ULK2: variants seen among roughly 807,000 people sequenced by gnomAD.
ULK2 encodes the protein unc-51 like autophagy activating kinase 2, also known as serine/threonine-protein kinase ULK2.
ULK2 carries 76 observed loss-of-function variants against 127.5 expected under a neutral mutation model. The ratio of observed to expected loss-of-function variants is 0.60; its 90% CI spans 0.50 to 0.72. The LOEUF (loss-of-function observed/expected upper bound fraction) is 0.72, where lower values mean the gene tolerates loss of function less well. Ranked by LOEUF, ULK2 falls within the 30% of genes least tolerant of loss-of-function variation. The probability of loss-of-function intolerance (pLI) is 0.00; values close to 1 mark genes in which losing one functional copy is unlikely to be tolerated. For missense variants in ULK2, 1,144 were observed against 1,295.9 expected, an observed-to-expected ratio of 0.88 and a Z score of 1.80; for synonymous variants, 452 against 461.9, an observed-to-expected ratio of 0.98 and a Z score of 0.28.
At chr17:19,813,686 G>A (rs1444595953) in intron 13 of ULK2, among the ~76,000 whole-genome samples, 1 of 152,090 alleles carries the variant, frequency 6.6e-6, no homozygotes, top group African/African-American at 2.4e-5. Flanking sequence ...GACAGGAGCA[G>A]TTTTGAAACA....
intron 8 of ULK2, 79 bp downstream of exon 8, chr17:19,843,042 T>C: frequency 8.4e-7 from 1 of 1,192,004 alleles, no homozygotes. Flanking sequence ...TTTCAAAGTA[T>C]TCTTCATTTT....
intron 5 of ULK2, among the ~76,000 whole-genome samples, chr17:19,848,649 C>T (rs1462623796): frequency 6.6e-6 from 1 of 151,950 alleles, no homozygotes; most frequent in Non-Finnish European, 1.5e-5. Context: ...TGGAGGTATG[C>T]ACCTGTAATC....
At chr17:19,796,742 G>C (rs1597726546) in intron 18 of ULK2, among the ~76,000 whole-genome samples, 2 of 152,160 alleles carry the variant, frequency 1.3e-5, no homozygotes, top group Admixed American at 6.5e-5. Flanking sequence ...TCCTTCACTG[G>C]ATGTCTGTGT....
At chr17:19,826,244 G>A in intron 10 of ULK2, 58 bp from the exon 11 acceptor site, 2 of 1,126,852 alleles carry the variant, frequency 1.8e-6, no homozygotes, top group East Asian at 2.8e-5. Context: ...CTATCAACCA[G>A]GTTATTTTTT....
intron 7 of ULK2, 51 bp downstream of exon 7, chr17:19,845,253 A>G (rs2041852500): frequency 6.7e-7 from 1 of 1,490,546 alleles, no homozygotes; most frequent in East Asian, 2.3e-5. Context: ...TTAAATTCCA[A>G]TGATTATGGA....
intron 20 of ULK2, among the ~76,000 whole-genome samples, chr17:19,791,844 C>CAAAA (rs58434256): frequency 1.5e-4 from 7 of 48,244 alleles, no homozygotes; most frequent in African/African-American, 2.4e-4. Flanking sequence ...ACCCTGTTTA[C>CAAAA]AAAAAAAAAA....
intron 3 of ULK2, among the ~76,000 whole-genome samples, chr17:19,862,413 T>C (rs1055519279): frequency 8.5e-5 from 13 of 152,082 alleles, no homozygotes; most frequent in African/African-American, 3.1e-4. Flanking sequence ...TTAAACATCT[T>C]ATAACATGAG....
intron 12 of ULK2, among the ~76,000 whole-genome samples, chr17:19,821,555 G>C (rs1409701384): frequency 6.6e-6 from 1 of 152,140 alleles, no homozygotes; most frequent in African/African-American, 2.4e-5. Context: ...ACCAGTCCTA[G>C]AAAGAAGGGG....
rs572303038 is a variant in ULK2 at position 19,783,758 on chromosome 17, G to A, written c.2399C>T (p.Pro800Leu). 70 of 1,600,778 alleles carry A rather than the reference G, an allele frequency of 4.4e-5. No homozygotes were observed. The Middle Eastern group carries it at 2.2e-3, about 49-fold the overall frequency. The change falls in exon 22 of 27, where the codon CCC becomes CTC. Residue 800 changes from proline (P) to leucine (L), a missense_variant. Pro to Leu is a moderately conservative substitution (Grantham distance 98, BLOSUM62 -3). This residue lies in a region of ULK2 where 913 missense variants were observed against 970.5 expected (regional missense o/e 0.94). Transcript: ENST00000395544. The part of the protein sequence containing the change: ...LRYVPYGASP[P>L]SLEGLITFEA... ...AAAGGTGATGAGCCCCTCTAGGCTG[G>A]GGGGTGAAGCACCGTAAGGCACGTA...
chr17:19,843,104 G>GA lies in ULK2; in HGVS notation c.645+16dup. 6.3e-7 allele frequency: 1 copy of GA among 1,596,178 alleles called. No homozygotes were observed. The highest frequency in any genetic ancestry group is 1.3e-5 in the African/African-American group (1 of 74,560). On this transcript the variant is annotated intron_variant, in intron 8 of 26. Coordinates refer to ENST00000395544, the MANE Select transcript of ULK2 (RefSeq NM_014683.4). Reference sequence around the variant, plus strand: ...CAAGATCCCAAAACTGAGGACATAAGAAAAAAGTCAGCCTACCTGAAAAGG... The same window carrying GA: ...CAAGATCCCAAAACTGAGGACATAAGAAAAAAAGTCAGCCTACCTGAAAAGG...
chr17:19,812,505 T>C (rs1178147239), intron 13 of ULK2, among the ~76,000 whole-genome samples: 1 of 152,190 alleles, frequency 6.6e-6, no homozygotes, highest in South Asian at 2.1e-4. Context: ...ATACTCAGAA[T>C]ACTTACACTG....
chr17:19,799,029 T>C (rs1185092657), intron 17 of ULK2, among the ~76,000 whole-genome samples: 3 of 151,898 alleles, frequency 2.0e-5, no homozygotes, highest in African/African-American at 7.3e-5. Flanking sequence ...GGCATGGTGT[T>C]GCTCACCTGT....
chr17:19,861,120 T>C (rs570135525), intron 3 of ULK2: 6 of 151,992 alleles, frequency 3.9e-5, no homozygotes, highest in South Asian at 2.1e-4. Context: ...CAAAATAATA[T>C]AACATTTGAA....
At chr17:19,786,946 G>A (rs1405044590) in intron 20 of ULK2, among the ~76,000 whole-genome samples, 2 of 151,282 alleles carry the variant, frequency 1.3e-5, no homozygotes, top group African/African-American at 2.4e-5. Context: ...TATAAAACAT[G>A]TATACAGTTG....
At chr17:19,814,433 TATATA>T (rs1247863460) in intron 13 of ULK2, among the ~76,000 whole-genome samples, 641 of 23,876 alleles carry the variant, frequency 0.027, 8 homozygotes, top group African/African-American at 0.092. Context: ...TATATATATA[TATATA>T]TTTTTTTTTT....
In ULK2 at chr17:19,782,871, G is replaced by A. The variant is rs374560462; in HGVS notation, c.2461-804C>T. 2.6e-4 allele frequency among the ~76,000 whole-genome samples: 39 copies of A among 152,200 alleles called. No individual in the cohort carries two copies. In the East Asian group the frequency reaches 3.3e-3, roughly 13 times the overall value. On this transcript the variant is annotated intron_variant, in intron 22 of 26. Coordinates refer to ENST00000395544, the MANE Select transcript of ULK2 (RefSeq NM_014683.4). ...GTGGAAGTTAGAGTGAGCTGAGATCGCACCACTGCATTCCAACCTGGGTGA... is the reference window on the plus strand; with the variant it reads ...GTGGAAGTTAGAGTGAGCTGAGATCACACCACTGCATTCCAACCTGGGTGA...
Position 19,786,273 on chromosome 17 carries a change from C to T in ULK2, c.2102-187G>A, listed in dbSNP as rs543609147. ...TAATACAATATTTTCATTAAAATAA[C>T]TTATAGTAATCTCAAGTGTGAATCT... On this transcript the variant is annotated intron_variant, in intron 20 of 26. Coordinates refer to ENST00000395544, the MANE Select transcript of ULK2 (RefSeq NM_014683.4). Among the ~76,000 whole-genome samples the T allele has an allele frequency of 9.9e-5, 15 of 150,992 alleles. 1 individual carries two copies. The South Asian group carries it at 1.9e-3, about 19-fold the overall frequency.
At position 19,804,751 on chromosome 17, in the gene ULK2, T is replaced by C. The variant is rs1214176710; in HGVS notation, c.1237A>G (p.Ile413Val). The change falls in exon 15 of 27, where the codon ATA (isoleucine) becomes GTA (valine). Residue 413 changes from isoleucine to valine, a missense_variant. Ile to Val is a conservative substitution (Grantham distance 29, BLOSUM62 3). Around this residue, in one of 2 missense-constraint regions of ULK2, gnomAD observed 913 missense variants for 970.5 expected, o/e 0.94. Transcript: ENST00000395544. The stretch of plus-strand genomic sequence containing the variant: ...GCAGTAGATGTAAGATTCTGCTCTA[T>C]GCGCTGATAATTCCTTATTTGAGTA... ...VPTQIRNYQR[I>V]EQNLTSTASS... is the part of the protein sequence containing the mutation. The C allele has an allele frequency of 1.2e-6, 2 of 1,612,962 alleles. No individual in the cohort carries two copies. Among genetic ancestry groups the C allele is most frequent in the South Asian group, 1.1e-5 (1 of 90,912 alleles).
chr17:19,788,252 G>C (rs1383337802), intron 20 of ULK2, among the ~76,000 whole-genome samples: 2 of 151,980 alleles, frequency 1.3e-5, no homozygotes, highest in African/African-American at 2.4e-5. Context: ...GGGAGTGTTT[G>C]TGCCACTCCT....
Sources: gnomAD v4.1 joint callset for allele counts (sites outside exome capture counted in the v4.1 genomes callset) on GRCh38, gnomAD v4.1.1 for gene constraint, gnomAD v4.1.1 regional missense constraint, MANE v1.5 for transcripts, NCBI Gene and HGNC (gene_info 2026-07-23, HGNC 2026-07-21) for gene names.